Variants in SLIT2 observed in about 807,000 individuals in gnomAD.
The protein encoded by SLIT2 is slit guidance ligand 2.
SLIT2 carries 41 observed loss-of-function variants against 185.7 expected under a neutral mutation model. The ratio of observed to expected loss-of-function variants is 0.22; its 90% CI spans 0.17 to 0.29. The LOEUF (loss-of-function observed/expected upper bound fraction) is 0.29. Among genes scored for constraint, SLIT2 ranks in the 10% least tolerant of loss-of-function variants. The pLI, the probability that SLIT2 is intolerant of heterozygous loss-of-function variation, is 1.00. For missense variants in SLIT2, 1,571 were observed against 1,909.0 expected, an observed-to-expected ratio of 0.82 and a Z score of 3.30; for synonymous variants, 693 against 680.2, an observed-to-expected ratio of 1.02 and a Z score of -0.29.
chr4:20,331,209 T>A (rs530644433), intron 4 of SLIT2, among the ~76,000 whole-genome samples: 1 of 152,184 alleles, frequency 6.6e-6, no homozygotes, highest in African/African-American at 2.4e-5. Context: ...TGAATTCACA[T>A]AGGAAAAAAC....
chr4:20,275,660 T>C (rs1424174305), intron 4 of SLIT2, among the ~76,000 whole-genome samples: 1 of 152,174 alleles, frequency 6.6e-6, no homozygotes, highest in African/African-American at 2.4e-5. Context: ...ATTTGTACCA[T>C]GTTATTTCTC....
intron 4 of SLIT2, among the ~76,000 whole-genome samples, chr4:20,310,246 C>T (rs778892800): frequency 2.6e-5 from 4 of 152,246 alleles, no homozygotes; most frequent in African/African-American, 4.8e-5. Context: ...ACTTCCACCA[C>T]GAGCTGCCAA....
intron 4 of SLIT2, among the ~76,000 whole-genome samples, chr4:20,434,428 GT>G (rs1268275015): frequency 1.3e-5 from 2 of 152,174 alleles, no homozygotes; most frequent in Non-Finnish European, 2.9e-5. Flanking sequence ...AGAGGTTGTG[GT>G]GAGCCAAGAT....
intron 4 of SLIT2, among the ~76,000 whole-genome samples, chr4:20,339,356 C>T (rs1215570465): frequency 2.0e-5 from 3 of 151,890 alleles, no homozygotes; most frequent in Admixed American, 6.6e-5. Flanking sequence ...AATCTTAGTG[C>T]CGGGGTGTAC....
chr4:20,315,608 T>C (rs2109146845), intron 4 of SLIT2, among the ~76,000 whole-genome samples: 1 of 152,234 alleles, frequency 6.6e-6, no homozygotes, highest in East Asian at 1.9e-4. Flanking sequence ...CTGTCTGATT[T>C]ATTTATTTTC....
intron 26 of SLIT2, among the ~76,000 whole-genome samples, chr4:20,557,406 T>TA (rs1302794221): frequency 1.3e-5 from 2 of 151,990 alleles, no homozygotes; most frequent in Non-Finnish European, 2.9e-5. Flanking sequence ...CCTTGATAAT[T>TA]ACGGTAAATC....
chr4:20,330,708 T>TG (rs1262003366), intron 4 of SLIT2, among the ~76,000 whole-genome samples: 1 of 151,358 alleles, frequency 6.6e-6, no homozygotes, highest in Non-Finnish European at 1.5e-5. Context: ...GAATGGTATT[T>TG]TTTTTCCTAT....
In SLIT2 at chr4:20,252,610, C is replaced by T. The variant is rs1386690198; in HGVS notation, c.-1206C>T. On this transcript the variant is annotated 5_prime_UTR_variant, in exon 1 of 37. Coordinates refer to ENST00000504154, the MANE Select transcript of SLIT2 (RefSeq NM_004787.4). ...GGGCCGGCCGTGGCTCTGCGCCCTCCGGAACCCGGCTCTTGTTTCTTCTAC... is the reference window on the plus strand; with the variant it reads ...GGGCCGGCCGTGGCTCTGCGCCCTCTGGAACCCGGCTCTTGTTTCTTCTAC... 6.6e-6 allele frequency among the ~76,000 whole-genome samples: 1 copy of T among 152,236 alleles called. No homozygotes were observed. Among genetic ancestry groups the T allele is most frequent in the Non-Finnish European group, 1.5e-5 (1 of 68,050 alleles).
At chr4:20,447,564 A>G (rs1711953955) in intron 4 of SLIT2, among the ~76,000 whole-genome samples, 1 of 152,242 alleles carries the variant, frequency 6.6e-6, no homozygotes, top group Non-Finnish European at 1.5e-5. Context: ...GTAAGAAGTT[A>G]TCACAGGAGC....
At chr4:20,288,785 C>G (rs533239223) in intron 4 of SLIT2, among the ~76,000 whole-genome samples, 1 of 152,214 alleles carries the variant, frequency 6.6e-6, no homozygotes, top group East Asian at 1.9e-4. Context: ...TTTCTCCAGC[C>G]TCACTGTCAG....
intron 9 of SLIT2, among the ~76,000 whole-genome samples, chr4:20,501,251 A>G (rs1718703169): frequency 6.6e-6 from 1 of 152,188 alleles, no homozygotes; most frequent in African/African-American, 2.4e-5. Flanking sequence ...ATAGTGTTCT[A>G]CAATGTGTTT....
intron 9 of SLIT2, among the ~76,000 whole-genome samples, chr4:20,494,632 A>T (rs1021188591): frequency 2.0e-5 from 3 of 151,978 alleles, no homozygotes; most frequent in Admixed American, 1.3e-4. Context: ...AACAAAAATT[A>T]GCCGGGCGTG....
chr4:20,422,906 ACTTTAGCCACT>A (rs974933764), intron 4 of SLIT2, among the ~76,000 whole-genome samples: 5 of 151,182 alleles, frequency 3.3e-5, no homozygotes, highest in African/African-American at 1.2e-4. Context: ...GGCACTATTA[ACTTTAGCCACT>A]CTATTTAAAA....
At chr4:20,559,291 G>A (rs1291309504) in intron 26 of SLIT2, among the ~76,000 whole-genome samples, 1 of 151,958 alleles carries the variant, frequency 6.6e-6, no homozygotes, top group East Asian at 1.9e-4. Context: ...ATAGCAAACA[G>A]CATGCGTGTA....
At chr4:20,420,247 A>G (rs1728069694) in intron 4 of SLIT2, among the ~76,000 whole-genome samples, 1 of 152,170 alleles carries the variant, frequency 6.6e-6, no homozygotes, top group African/African-American at 2.4e-5. Flanking sequence ...CTGTGAGTAC[A>G]TGACTGACCC....
At position 20,472,632 on chromosome 4, in the gene SLIT2, ATATATC is replaced by A. The variant is rs1311921141; in HGVS notation, c.467+4810_467+4815del. ...TATCTATATATATCGATATATCTATATATATCGATATATATATTTAAAAGCCTTAAC... is the reference window on the plus strand; with the variant it reads ...TATCTATATATATCGATATATCTATAGATATATATATTTAAAAGCCTTAAC... On this transcript the variant is annotated intron_variant, in intron 5 of 36. Transcript: ENST00000504154. Among the ~76,000 whole-genome samples the A allele has an allele frequency of 2.3e-4, 31 of 134,852 alleles. 10 individuals carry two copies. Among genetic ancestry groups the A allele is most frequent in the East Asian group, 4.2e-4 (2 of 4,708 alleles). The allele number at this position is 134,852 out of a possible 152,430, so 88.5% of individuals were successfully genotyped here. A position where few individuals can be genotyped will look rare whatever the true frequency, so the allele number is the denominator to read the frequency against.
At chr4:20,287,869 T>C (rs767822188) in intron 4 of SLIT2, among the ~76,000 whole-genome samples, 1 of 152,160 alleles carries the variant, frequency 6.6e-6, no homozygotes, top group Non-Finnish European at 1.5e-5. Context: ...ATAAGGTCTT[T>C]TCTTAAAAAC....
At chr4:20,462,385 C>T (rs1713827040) in intron 4 of SLIT2, among the ~76,000 whole-genome samples, 1 of 152,210 alleles carries the variant, frequency 6.6e-6, no homozygotes, top group Non-Finnish European at 1.5e-5. Flanking sequence ...TTCTTGTCTT[C>T]AATCCTAACT....
chr4:20,479,527 A>G (rs11721893), intron 5 of SLIT2, among the ~76,000 whole-genome samples: 23,003 of 152,040 alleles, frequency 0.15, 1,807 homozygotes, highest in Middle Eastern at 0.24. Context: ...CTTCCATGAA[A>G]CATTTTGTTT....
Sources: allele counts gnomAD v4.1 joint callset (sites outside exome capture counted in the v4.1 genomes callset), GRCh38; gene constraint gnomAD v4.1.1; transcripts MANE v1.5; gene names NCBI Gene and HGNC (gene_info 2026-07-23, HGNC 2026-07-21).